Variants in PLA2G2A observed in about 807,000 individuals in gnomAD.
PLA2G2A encodes the protein phospholipase A2, membrane associated.
PLA2G2A carries 6 observed loss-of-function variants against 11.2 expected under a neutral mutation model. The observed-to-expected ratio is 0.54, with a 90% confidence interval of 0.29 to 1.06. The LOEUF is 1.06. PLA2G2A is among the 50% of genes least tolerant of loss of function. The probability of loss-of-function intolerance (pLI) is 0.08; values close to 1 mark genes in which losing one functional copy is unlikely to be tolerated. For synonymous variants in PLA2G2A, 69 were observed against 65.8 expected, an observed-to-expected ratio of 1.05 and a Z score of -0.23; for missense variants, 133 against 177.1, an observed-to-expected ratio of 0.75 and a Z score of 1.41.
chr1:19,975,759 T>C (rs2046211017), exon 5 of PLA2G2A: 2 of 1,613,674 alleles, frequency 1.2e-6, no homozygotes, highest in East Asian at 2.2e-5. Context: ...GTACTTTTTA[T>C]TGTAGGTCGT....
intron 4 of PLA2G2A, 149 bp downstream of exon 4, chr1:19,977,866 T>G: frequency 1.4e-6 from 1 of 696,652 alleles, no homozygotes; most frequent in African/African-American, 1.8e-5. Context: ...CTTTACTACA[T>G]TGGATTTTCA....
chr1:19,978,391 A>G, exon 3 of PLA2G2A: 1 of 1,613,038 alleles, frequency 6.2e-7, no homozygotes, highest in Non-Finnish European at 8.5e-7. Context: ...GATCCGTTGC[A>G]TCCTTGGGGG....
downstream of PLA2G2A, chr1:19,975,666 A>G (rs1458115568): frequency 6.9e-6 from 11 of 1,603,574 alleles, no homozygotes; most frequent in Non-Finnish European, 9.4e-6. Flanking sequence ...AGGGAAATTC[A>G]GCACTGGGTG....
At chr1:19,978,037 G>A in exon 4 of PLA2G2A, 1 of 1,611,164 alleles carries the variant, frequency 6.2e-7, no homozygotes, top group Non-Finnish European at 8.5e-7. Flanking sequence ...TGCTCCCCGA[G>A]TTGCTAAACT....
In PLA2G2A at chr1:19,978,542, A is replaced by C. The variant is rs748116263; in HGVS notation, c.41-18T>G. 6.2e-6 allele frequency: 10 copies of C among 1,613,154 alleles called. 1 individual carries two copies. In the South Asian group the frequency reaches 1.1e-4, roughly 18 times the overall value. On this transcript the variant is annotated intron_variant, in intron 2 of 4. Transcript: ENST00000482011. ...CAGTAGGCCTGGAAGGAAATTTGGG[A>C]GTTGTCTGGTGATGGGGCATGGGGT...
chr1:19,976,358 G>A (rs2046219763), intron 4 of PLA2G2A, among the ~76,000 whole-genome samples: 1 of 152,212 alleles, frequency 6.6e-6, no homozygotes, highest in Non-Finnish European at 1.5e-5. Context: ...CCAGGAGGGT[G>A]GACCTGCAGC....
intron 1 of PLA2G2A, 119 bp from the exon 2 acceptor site, chr1:19,978,998 C>G (rs1160549572): frequency 3.3e-6 from 2 of 608,984 alleles, no homozygotes. Flanking sequence ...CACACACACA[C>G]ACAACCACCT....
At chr1:19,978,071 C>T (rs1203932672) in exon 4 of PLA2G2A, 3 of 1,613,948 alleles carry the variant, frequency 1.9e-6, no homozygotes, top group Non-Finnish European at 2.5e-6. Flanking sequence ...TTTGGTGCCA[C>T]ATCCACGTTT....
At chr1:19,977,472 C>T (rs1026890317) in intron 4 of PLA2G2A, among the ~76,000 whole-genome samples, 4 of 152,216 alleles carry the variant, frequency 2.6e-5, no homozygotes, top group Admixed American at 6.5e-5. Flanking sequence ...TTGTCTCCAT[C>T]GACCCTGTCC....
chr1:19,975,670 C>T (rs370952850), downstream of PLA2G2A: 458 of 1,608,266 alleles, frequency 2.8e-4, no homozygotes, highest in Non-Finnish European at 3.8e-4. Flanking sequence ...AAATTCAGCA[C>T]TGGGTGGAAG....
At chr1:19,976,731 C>T in intron 4 of PLA2G2A, among the ~76,000 whole-genome samples, 1 of 152,194 alleles carries the variant, frequency 6.6e-6, no homozygotes, top group East Asian at 1.9e-4. Flanking sequence ...TGCCACCCAC[C>T]TCTCCTCCCC....
At chr1:19,978,469 C>T (rs2236771) in exon 3 of PLA2G2A, 33 of 1,613,764 alleles carry the variant, frequency 2.0e-5, no homozygotes, top group Non-Finnish European at 2.5e-5. Flanking sequence ...CCTTTCCTGT[C>T]GTCAACTTGA....
At chr1:19,980,017 C>T (rs1299081737), upstream of PLA2G2A, among the ~76,000 whole-genome samples, 1 of 152,212 alleles carries the variant, frequency 6.6e-6, no homozygotes, top group African/African-American at 2.4e-5. Flanking sequence ...TTGCTCCCTT[C>T]TGCTCAATGT....
At chr1:19,977,587 C>T (rs1345972586) in intron 4 of PLA2G2A, among the ~76,000 whole-genome samples, 5 of 152,338 alleles carry the variant, frequency 3.3e-5, no homozygotes, top group South Asian at 2.1e-4. Flanking sequence ...CCTGGAGGGC[C>T]GGATTGACCT....
At chr1:19,978,440 C>G (rs1207872960) in exon 3 of PLA2G2A, 1 of 1,613,942 alleles carries the variant, frequency 6.2e-7, no homozygotes, top group South Asian at 1.1e-5. Flanking sequence ...GCCGTAGAAG[C>G]CATAACTGAG....
intron 4 of PLA2G2A, among the ~76,000 whole-genome samples, chr1:19,976,871 C>G (rs940856996): frequency 6.6e-6 from 1 of 152,228 alleles, no homozygotes; most frequent in African/African-American, 2.4e-5. Flanking sequence ...CTGAGTCCCT[C>G]ATGCGTTTCT....
At position 19,978,852 on chromosome 1, in the gene PLA2G2A, G is replaced by A. The variant is rs1053205338; in HGVS notation, c.-79C>T. On this transcript the variant is annotated 5_prime_UTR_variant, in exon 2 of 5. In the 5' UTR this introduces an upstream ATG that the reference lacks. Transcript: ENST00000482011. ...GGTGGTCTCAACTTCTGCCCCGGCC[G>A]TCGCTCCCCTGCTCCTCCTTGGTGG... The A allele has an allele frequency of 1.2e-5, 16 of 1,356,356 alleles. No individual in the cohort carries two copies. Among genetic ancestry groups the A allele is most frequent in the African/African-American group, 2.9e-5 (2 of 70,066 alleles). The allele number at this position is 1,356,356 out of a possible 1,614,324, so 84.0% of individuals were successfully genotyped here.
At chr1:19,977,969 T>C (rs754951974) in intron 4 of PLA2G2A, 46 bp downstream of exon 4, 1 of 1,118,560 alleles carries the variant, frequency 8.9e-7, no homozygotes, top group African/African-American at 1.5e-5. Context: ...TCCCCAGCAC[T>C]GTCTAAACAA....
intron 3 of PLA2G2A, 68 bp downstream of exon 3, chr1:19,978,312 T>G: frequency 1.9e-6 from 3 of 1,577,066 alleles, no homozygotes; most frequent in Non-Finnish European, 2.6e-6. Context: ...GAACCGGCAC[T>G]GTCTTTGCAG....
Sources: allele counts gnomAD v4.1 joint callset (sites outside exome capture counted in the v4.1 genomes callset), GRCh38; gene constraint gnomAD v4.1.1; transcripts MANE v1.5; gene names NCBI Gene and HGNC (gene_info 2026-07-23, HGNC 2026-07-21).